Variants in RTTN observed in about 807,000 individuals in gnomAD.
RTTN encodes the protein rotatin.
A neutral mutation model predicts 269.2 loss-of-function variants in RTTN; 182 were observed. That is an observed-to-expected ratio of 0.68 (90% CI 0.60 to 0.76). The LOEUF (loss-of-function observed/expected upper bound fraction) is 0.76, where lower values mean the gene tolerates loss of function less well. RTTN is among the 30% of genes least tolerant of loss of function. The pLI is 0.00. For missense variants in RTTN, 2,545 were observed against 2,608.6 expected (o/e 0.98, Z 0.53); for synonymous variants, 1,006 against 963.5 (o/e 1.04, Z -0.82).
chr18:70,121,521 C>T, intron 26 of RTTN, 35 bp downstream of exon 26: 1 of 1,489,268 alleles, frequency 6.7e-7, no homozygotes, highest in Non-Finnish European at 9.0e-7. Context: ...AGTTATTTCC[C>T]AAACTTAAAA....
Position 70,166,053 on chromosome 18 carries a change from A to T in RTTN, c.1929+9T>A. On this transcript the variant is annotated intron_variant, in intron 14 of 48. Coordinates refer to ENST00000640769, the MANE Select transcript of RTTN (RefSeq NM_173630.4). ...CAAAAACAAAACATACGAAAAAACA[A>T]AACCTCACCTTCGTGATTTCCAGAC... 6.2e-7 allele frequency: 1 copy of T among 1,612,994 alleles called. No individual in the cohort carries two copies. Among genetic ancestry groups the T allele is most frequent in the Non-Finnish European group, 8.5e-7 (1 of 1,179,360 alleles).
chr18:70,203,276 C>T (rs1329723333), intron 3 of RTTN, among the ~76,000 whole-genome samples: 4 of 151,920 alleles, frequency 2.6e-5, no homozygotes, highest in Admixed American at 6.6e-5. Flanking sequence ...CTCAGCTCAC[C>T]GTTGCAACCT....
At chr18:70,201,529 A>C (rs2061946767) in intron 4 of RTTN, among the ~76,000 whole-genome samples, 5 of 135,728 alleles carry the variant, frequency 3.7e-5, no homozygotes, top group Non-Finnish European at 7.8e-5. Context: ...AATGGCGTGA[A>C]CCCGGGAGGC....
At chr18:70,198,403 T>C (rs536041437) in intron 5 of RTTN, among the ~76,000 whole-genome samples, 50 of 152,312 alleles carry the variant, frequency 3.3e-4, no homozygotes, top group Admixed American at 6.5e-4. Flanking sequence ...TACAACCTCC[T>C]AACCCTTTCC....
chr18:70,098,031 GTATT>G (rs1247606887), intron 28 of RTTN, among the ~76,000 whole-genome samples: 1 of 146,270 alleles, frequency 6.8e-6, no homozygotes, highest in East Asian at 2.1e-4. Context: ...GATAAATAGA[GTATT>G]TATAAATCAC....
chr18:70,052,506 T>G (rs1028569551), intron 38 of RTTN, among the ~76,000 whole-genome samples: 1 of 152,150 alleles, frequency 6.6e-6, no homozygotes, highest in Non-Finnish European at 1.5e-5. Flanking sequence ...GCTTACTGTT[T>G]TTATTCAATA....
chr18:70,151,168 T>C (rs916729975), intron 14 of RTTN, among the ~76,000 whole-genome samples: 1 of 148,032 alleles, frequency 6.8e-6, no homozygotes, highest in Non-Finnish European at 1.5e-5. Flanking sequence ...ATTCTATATA[T>C]ATAGAATATA....
intron 38 of RTTN, among the ~76,000 whole-genome samples, chr18:70,053,835 C>CCATA (rs2057740971): frequency 6.6e-6 from 1 of 152,172 alleles, no homozygotes; most frequent in Non-Finnish European, 1.5e-5. Flanking sequence ...TTGGCCTTAG[C>CCATA]CATAGTTTAT....
In RTTN at chr18:70,149,995, G is replaced by C. The variant is rs756878413; in HGVS notation, c.2148C>G (p.Leu716=). ...CCTGTAGTATTGGGATGACAGGACA[G>C]AGAGATTCAATAAACTTGTTCCAGG... ...ALTWNKFIES[L]CPVIPILQGY... Residue 716 remains leucine (L), a synonymous_variant, in exon 16 of 49, where the codon CTC becomes CTG. Coordinates refer to ENST00000640769, the MANE Select transcript of RTTN (RefSeq NM_173630.4). 8.7e-6 allele frequency: 14 copies of C among 1,610,928 alleles called. No individual in the cohort carries two copies. The highest frequency in any genetic ancestry group is 2.2e-5 in the East Asian group (1 of 44,868).
chr18:70,137,818 C>T (rs2060160144), intron 21 of RTTN, among the ~76,000 whole-genome samples: 1 of 152,148 alleles, frequency 6.6e-6, no homozygotes, highest in Non-Finnish European at 1.5e-5. Flanking sequence ...CTGTGGTGTA[C>T]TGTATATTTA....
At chr18:70,014,433 T>C (rs185125916) in intron 46 of RTTN, among the ~76,000 whole-genome samples, 1 of 152,356 alleles carries the variant, frequency 6.6e-6, no homozygotes, top group Admixed American at 6.5e-5. Context: ...CATGTTGCCA[T>C]GTCTCCTAAT....
At chr18:70,037,978 C>T (rs1460020701) in intron 40 of RTTN, among the ~76,000 whole-genome samples, 1 of 152,096 alleles carries the variant, frequency 6.6e-6, no homozygotes, top group East Asian at 1.9e-4. Flanking sequence ...CGTGGTAGAA[C>T]TCCCATGGGA....
At chr18:70,019,530 A>C (rs1465870957) in intron 45 of RTTN, 1 of 152,216 alleles carries the variant, frequency 6.6e-6, no homozygotes, top group Admixed American at 6.5e-5. Flanking sequence ...CATATACATG[A>C]AGAAAATATC....
chr18:70,189,444 A>C (rs2146084764), intron 9 of RTTN, among the ~76,000 whole-genome samples: 1 of 152,354 alleles, frequency 6.6e-6, no homozygotes, highest in South Asian at 2.1e-4. Flanking sequence ...ATAAAGTAAA[A>C]AGGGCAAAAC....
At chr18:70,069,471 A>G (rs1261553342) in intron 34 of RTTN, among the ~76,000 whole-genome samples, 1 of 152,192 alleles carries the variant, frequency 6.6e-6, no homozygotes, top group African/African-American at 2.4e-5. Flanking sequence ...ATTATGCTTC[A>G]GTGTAAAATA....
intron 32 of RTTN, among the ~76,000 whole-genome samples, chr18:70,084,851 T>G (rs752256617): frequency 4.9e-4 from 75 of 152,164 alleles, no homozygotes; most frequent in Admixed American, 2.4e-3. Flanking sequence ...TAGAAAAGGA[T>G]TTCCATGATG....
intron 26 of RTTN, among the ~76,000 whole-genome samples, chr18:70,119,901 G>A (rs149701139): frequency 0.014 from 2,153 of 152,222 alleles, 20 homozygotes; most frequent in Non-Finnish European, 0.022. Flanking sequence ...TAAATGCTGG[G>A]TATGCAATAA....
intron 25 of RTTN, among the ~76,000 whole-genome samples, chr18:70,124,428 A>G (rs2059812847): frequency 6.6e-6 from 1 of 152,130 alleles, no homozygotes; most frequent in Non-Finnish European, 1.5e-5. Context: ...CAGGAAAGCC[A>G]CATGACAATC....
intron 30 of RTTN, among the ~76,000 whole-genome samples, chr18:70,090,031 G>T (rs1199042871): frequency 6.6e-6 from 1 of 152,196 alleles, no homozygotes; most frequent in Admixed American, 6.5e-5. Context: ...TTAAGAAAAA[G>T]ATCACGGGTG....
Sources: gnomAD v4.1 joint callset for allele counts (sites outside exome capture counted in the v4.1 genomes callset) on GRCh38, gnomAD v4.1.1 for gene constraint, MANE v1.5 for transcripts, NCBI Gene and HGNC (gene_info 2026-07-23, HGNC 2026-07-21) for gene names.